Variants in SEPHS1 observed in about 807,000 individuals in gnomAD.
SEPHS1 encodes selenophosphate synthetase 1, also known as zincore component SEPHS1.
Under a neutral mutation model 39.2 loss-of-function variants are expected in SEPHS1, and 7 were observed. The observed-to-expected ratio is 0.18, with a 90% confidence interval of 0.10 to 0.34. The LOEUF (loss-of-function observed/expected upper bound fraction) is 0.34. Among genes scored for constraint, SEPHS1 ranks in the 10% least tolerant of loss-of-function variants. The pLI is 1.00. For missense variants in SEPHS1, 253 were observed against 514.5 expected, an observed-to-expected ratio of 0.49 and a Z score of 4.92; for synonymous variants, 190 against 195.5, an observed-to-expected ratio of 0.97 and a Z score of 0.23.
At chr10:13,328,691 T>C (rs966787827) in intron 6 of SEPHS1, among the ~76,000 whole-genome samples, 23 of 152,236 alleles carry the variant, frequency 1.5e-4, no homozygotes, top group Non-Finnish European at 3.1e-4. Flanking sequence ...CTGTGATTTA[T>C]TGGGTATGTG....
At chr10:13,331,396 T>C (rs967404834) in intron 5 of SEPHS1, among the ~76,000 whole-genome samples, 3 of 151,890 alleles carry the variant, frequency 2.0e-5, no homozygotes, top group African/African-American at 7.2e-5. Context: ...TCTAGATCTT[T>C]TTTTTTTGAA....
At chr10:13,319,901 G>T in intron 8 of SEPHS1, among the ~76,000 whole-genome samples, 1 of 152,142 alleles carries the variant, frequency 6.6e-6, no homozygotes, top group East Asian at 1.9e-4. Context: ...CACTGTGTAG[G>T]GGTAAGGTGT....
At chr10:13,342,787 G>A (rs1385039392) in intron 2 of SEPHS1, among the ~76,000 whole-genome samples, 2 of 151,356 alleles carry the variant, frequency 1.3e-5, no homozygotes, top group Non-Finnish European at 2.9e-5. Flanking sequence ...CCAGGCCGCA[G>A]TACAGTGGTG....
At chr10:13,342,949 G>A (rs1833836986) in intron 2 of SEPHS1, among the ~76,000 whole-genome samples, 2 of 152,096 alleles carry the variant, frequency 1.3e-5, no homozygotes, top group South Asian at 2.1e-4. Flanking sequence ...TGCCCAGGCT[G>A]GTCTTGAACT....
chr10:13,335,086 G>A (rs577450177), intron 4 of SEPHS1, among the ~76,000 whole-genome samples: 2 of 152,352 alleles, frequency 1.3e-5, no homozygotes, highest in South Asian at 4.1e-4. Flanking sequence ...TTTCTCTAAG[G>A]CAGGGCAAAC....
chr10:13,348,112 C>CCGGCGGCGGCGG lies in SEPHS1; in HGVS notation c.-203_-192dup, dbSNP rs572185148. 8.3e-5 allele frequency: 12 copies of CCGGCGGCGGCGG among 145,110 alleles called. No individual in the cohort carries two copies. The highest frequency in any genetic ancestry group is 3.4e-4 in the Admixed American group (5 of 14,728). The allele number at this position is 145,110 out of a possible 1,614,324, so 9.0% of individuals were successfully genotyped here. A position where few individuals can be genotyped will look rare whatever the true frequency, so the allele number is the denominator to read the frequency against. On this transcript the variant is annotated 5_prime_UTR_variant, in exon 1 of 9. Coordinates refer to ENST00000327347, the MANE Select transcript of SEPHS1 (RefSeq NM_012247.5). ...CGTCGCCTGAATAAAAATGCCGCGC[C>CCGGCGGCGGCGG]CGGCGGCGGCGGCGGCGGCGGGGGC... is the stretch of plus-strand genomic sequence containing the variant.
intron 3 of SEPHS1, among the ~76,000 whole-genome samples, chr10:13,336,645 A>C (rs997512156): frequency 6.6e-6 from 1 of 152,114 alleles, no homozygotes; most frequent in Admixed American, 6.6e-5. Flanking sequence ...ATTTATTTAG[A>C]TAGGGGAAGG....
chr10:13,340,108 G>A (rs1473541173), intron 2 of SEPHS1, among the ~76,000 whole-genome samples: 1 of 152,030 alleles, frequency 6.6e-6, no homozygotes, highest in Non-Finnish European at 1.5e-5. Context: ...AATATTCTGC[G>A]TAAGTGAAAG....
intron 8 of SEPHS1, chr10:13,322,187 G>A (rs1833138903): frequency 3.0e-5 from 11 of 364,544 alleles, no homozygotes; most frequent in South Asian, 2.3e-4. Context: ...TGTCACCCAG[G>A]CTGGAGTGCA....
At chr10:13,337,885 A>G (rs1464195763) in intron 3 of SEPHS1, among the ~76,000 whole-genome samples, 2 of 152,210 alleles carry the variant, frequency 1.3e-5, no homozygotes, top group Non-Finnish European at 2.9e-5. Flanking sequence ...CCTGAGGGTG[A>G]ACACCCCCCA....
Position 13,343,543 on chromosome 10 carries a change from G to C in SEPHS1, c.193+1215C>G, listed in dbSNP as rs76224193. On this transcript the variant is annotated intron_variant, in intron 2 of 8. Coordinates refer to ENST00000327347, the MANE Select transcript of SEPHS1 (RefSeq NM_012247.5). ...GAAATGAAAACCTTGGCTGGGTGTG[G>C]TGGCTTACACCTGTAATCCCAGCAC... 2.8e-3 allele frequency among the ~76,000 whole-genome samples: 429 copies of C among 152,290 alleles called. 16 individuals are homozygous for C. The East Asian group carries it at 0.077, about 27-fold the overall frequency.
At chr10:13,335,113 G>A (rs1833587936) in intron 4 of SEPHS1, among the ~76,000 whole-genome samples, 2 of 152,196 alleles carry the variant, frequency 1.3e-5, no homozygotes, top group South Asian at 2.1e-4. Context: ...GGGCTCTTGG[G>A]ACAAAAACAA....
chr10:13,323,719 G>T (rs1436414292), intron 7 of SEPHS1, among the ~76,000 whole-genome samples: 1 of 151,752 alleles, frequency 6.6e-6, no homozygotes, highest in African/African-American at 2.4e-5. Flanking sequence ...TGAATTGCGT[G>T]CAAGTTTATT....
At chr10:13,341,850 T>C (rs1833793933) in intron 2 of SEPHS1, among the ~76,000 whole-genome samples, 1 of 151,574 alleles carries the variant, frequency 6.6e-6, no homozygotes, top group Admixed American at 6.6e-5. Context: ...TTCCAGCTAC[T>C]TGGAGGGAGG....
chr10:13,327,240 CAAAAAAAAAAA>C (rs34788028), intron 7 of SEPHS1, among the ~76,000 whole-genome samples: 7 of 82,800 alleles, frequency 8.5e-5, no homozygotes, highest in African/African-American at 1.6e-4. Flanking sequence ...GATTCTGTCT[CAAAAAAAAAAA>C]AAAAAAAAAA....
At chr10:13,346,486 G>A (rs543468539) in intron 1 of SEPHS1, among the ~76,000 whole-genome samples, 35 of 152,214 alleles carry the variant, frequency 2.3e-4, no homozygotes, top group African/African-American at 8.2e-4. Context: ...GATTTCGGTG[G>A]GAAACGTAAC....
At chr10:13,343,936 A>C (rs192613182) in intron 2 of SEPHS1, among the ~76,000 whole-genome samples, 38 of 152,336 alleles carry the variant, frequency 2.5e-4, no homozygotes, top group African/African-American at 8.4e-4. Context: ...AATAAACTGC[A>C]CAAGAAACAT....
At chr10:13,323,820 C>T (rs1833182524) in intron 7 of SEPHS1, among the ~76,000 whole-genome samples, 1 of 151,530 alleles carries the variant, frequency 6.6e-6, no homozygotes, top group Non-Finnish European at 1.5e-5. Context: ...TAACTCACTG[C>T]ACTTGGGCTC....
At chr10:13,332,152 T>C (rs1275612317) in intron 5 of SEPHS1, among the ~76,000 whole-genome samples, 2 of 152,172 alleles carry the variant, frequency 1.3e-5, no homozygotes, top group African/African-American at 4.8e-5. Context: ...AATGGCTAAA[T>C]AAAGCAGGGT....
Sources: allele counts gnomAD v4.1 joint callset (sites outside exome capture counted in the v4.1 genomes callset), GRCh38; gene constraint gnomAD v4.1.1; transcripts MANE v1.5; gene names NCBI Gene and HGNC (gene_info 2026-07-23, HGNC 2026-07-21).